LARGE1: variants seen among roughly 807,000 people sequenced by gnomAD.
LARGE1 encodes LARGE xylosyl- and glucuronyltransferase 1.
Under a neutral mutation model 87.6 loss-of-function variants are expected in LARGE1, and 43 were observed. The ratio of observed to expected loss-of-function variants is 0.49; its 90% CI spans 0.38 to 0.63. LARGE1 has a LOEUF of 0.63. Ranked by LOEUF, LARGE1 falls within the 30% of genes least tolerant of loss-of-function variation. The probability of loss-of-function intolerance (pLI) is 0.00; values close to 1 mark genes in which losing one functional copy is unlikely to be tolerated. For synonymous variants in LARGE1, 434 were observed against 394.6 expected, an observed-to-expected ratio of 1.10 and a Z score of -1.18; for missense variants, 802 against 1,000.2, an observed-to-expected ratio of 0.80 and a Z score of 2.67.
At chr22:33,721,410 G>A (rs912394311) in intron 2 of LARGE1, among the ~76,000 whole-genome samples, 1 of 152,150 alleles carries the variant, frequency 6.6e-6, no homozygotes. Context: ...GTTTCTTATG[G>A]GTGCCATGCT....
At chr22:33,869,529 G>T (rs2064212659) in intron 1 of LARGE1, among the ~76,000 whole-genome samples, 1 of 152,292 alleles carries the variant, frequency 6.6e-6, no homozygotes, top group Admixed American at 6.5e-5. Flanking sequence ...GCCTCCTCGG[G>T]TCTGTGCAGT....
chr22:33,801,905 C>T (rs572410451), intron 1 of LARGE1, among the ~76,000 whole-genome samples: 50 of 152,130 alleles, frequency 3.3e-4, no homozygotes, highest in East Asian at 9.7e-4. Flanking sequence ...AAGCTATATA[C>T]GCACTTAAAA....
chr22:33,298,117 A>G (rs2146078188), intron 12 of LARGE1, among the ~76,000 whole-genome samples: 1 of 152,172 alleles, frequency 6.6e-6, no homozygotes, highest in East Asian at 1.9e-4. Context: ...ACGATGTCTC[A>G]CGTCTTCCTC....
In LARGE1 at chr22:33,589,310, G is replaced by C. The variant is rs374755455; in HGVS notation, c.615+15125C>G. Among the ~76,000 whole-genome samples, 9 of 152,266 alleles carry C rather than the reference G, an allele frequency of 5.9e-5. No individual in the cohort carries two copies. In the East Asian group the frequency reaches 1.7e-3, roughly 29 times the overall value. On this transcript the variant is annotated intron_variant, in intron 5 of 14. Transcript: ENST00000397394. ...TCAATGAGATAACACTAAATGTTTA[G>C]TACTATGTCTGATACATGATAAGTG...
the LARGE1 span, among the ~76,000 whole-genome samples, chr22:33,139,401 T>G: frequency 2.0e-5 from 3 of 152,196 alleles, no homozygotes; most frequent in African/African-American, 2.4e-5. Context: ...TTTCCTCTCC[T>G]TCTGTTGCTT....
rs2069256328 is a variant in LARGE1 at position 33,480,183 on chromosome 22, C to A, written c.788-47918G>T. Among the ~76,000 whole-genome samples the A allele has an allele frequency of 5.3e-5, 8 of 152,334 alleles. 1 individual carries two copies. The South Asian group carries it at 1.7e-3, about 32-fold the overall frequency. Reference sequence around the variant, plus strand: ...TGAATGACAACCGAGGCGCAAGGAACAGGCACCCTGGACGGCTTCACGCAG... The same window carrying A: ...TGAATGACAACCGAGGCGCAAGGAAAAGGCACCCTGGACGGCTTCACGCAG... On this transcript the variant is annotated intron_variant, in intron 6 of 14. Transcript: ENST00000397394.
At chr22:33,778,154 A>G (rs2085306457) in intron 1 of LARGE1, among the ~76,000 whole-genome samples, 4 of 152,234 alleles carry the variant, frequency 2.6e-5, no homozygotes. Context: ...GAGTTTCCTC[A>G]GGTCACAGAA....
intron 6 of LARGE1, among the ~76,000 whole-genome samples, chr22:33,500,562 C>G (rs1322425286): frequency 6.6e-6 from 1 of 152,146 alleles, no homozygotes. Context: ...TGGTTTACAA[C>G]GTGGGTAAGG....
intron 1 of LARGE1, among the ~76,000 whole-genome samples, chr22:33,796,706 CAG>C (rs1291071730): frequency 2.0e-5 from 3 of 150,390 alleles, no homozygotes; most frequent in Admixed American, 6.6e-5. Context: ...TGCAAAGAAA[CAG>C]AGCCAGGTGG....
chr22:33,802,889 C>T (rs2086202549), intron 1 of LARGE1, among the ~76,000 whole-genome samples: 1 of 152,204 alleles, frequency 6.6e-6, no homozygotes, highest in Non-Finnish European at 1.5e-5. Flanking sequence ...ACTTCAGTGC[C>T]TTGAACACAG....
At chr22:33,909,688 G>A (rs1370905879) in intron 1 of LARGE1, among the ~76,000 whole-genome samples, 4 of 151,942 alleles carry the variant, frequency 2.6e-5, no homozygotes, top group African/African-American at 4.8e-5. Context: ...ACAGGCGCCC[G>A]CCACCACGCC....
intron 9 of LARGE1, among the ~76,000 whole-genome samples, chr22:33,351,414 T>C (rs1159023075): frequency 6.6e-6 from 1 of 152,250 alleles, no homozygotes; most frequent in East Asian, 1.9e-4. Flanking sequence ...CAACCAACCA[T>C]ACTATTACTT....
At chr22:33,070,896 G>A in the LARGE1 span, among the ~76,000 whole-genome samples, 1 of 152,176 alleles carries the variant, frequency 6.6e-6, no homozygotes, top group Admixed American at 6.5e-5. Context: ...TGCAACAACA[G>A]AACAGGAGTG....
At chr22:33,521,576 C>T (rs1048426176) in intron 6 of LARGE1, among the ~76,000 whole-genome samples, 13 of 152,146 alleles carry the variant, frequency 8.5e-5, no homozygotes, top group Admixed American at 4.6e-4. Flanking sequence ...ACGACAAGAC[C>T]GGCCCAGATT....
Position 33,748,926 on chromosome 22 carries a change from A to C in LARGE1, c.106+12445T>G, listed in dbSNP as rs556926278. 1.1e-4 allele frequency among the ~76,000 whole-genome samples: 17 copies of C among 152,346 alleles called. No individual in the cohort carries two copies. The South Asian group carries it at 3.5e-3, about 32-fold the overall frequency. ...GTTATATCACAGTTCTCTAGGTTTC[A>C]GTTCCTCAGTTGTAAAACAAGGGTC... On this transcript the variant is annotated intron_variant, in intron 2 of 14. Transcript: ENST00000397394.
intron 1 of LARGE1, among the ~76,000 whole-genome samples, chr22:33,885,804 G>A (rs1173534853): frequency 1.3e-5 from 2 of 152,182 alleles, no homozygotes; most frequent in Admixed American, 1.3e-4. Context: ...GCCGAGGCAG[G>A]TGGATCACTT....
At chr22:33,759,075 AG>A (rs2084626332) in intron 2 of LARGE1, among the ~76,000 whole-genome samples, 3 of 152,334 alleles carry the variant, frequency 2.0e-5, no homozygotes, top group Admixed American at 6.5e-5. Flanking sequence ...TCCTCTATGT[AG>A]ATAAAGTCAC....
At chr22:33,184,187 T>C (rs1050250703) in intron 11 of LARGE1, among the ~76,000 whole-genome samples, 4 of 148,500 alleles carry the variant, frequency 2.7e-5, no homozygotes, top group Non-Finnish European at 4.5e-5. Context: ...TGAAACTGTG[T>C]TGAGAGACAC....
At chr22:33,768,282 A>G (rs2084965282) in intron 1 of LARGE1, among the ~76,000 whole-genome samples, 1 of 152,302 alleles carries the variant, frequency 6.6e-6, no homozygotes, top group Non-Finnish European at 1.5e-5. Flanking sequence ...TGGGCGACAG[A>G]GCGAGACTCC....
Sources: allele counts gnomAD v4.1 joint callset (sites outside exome capture counted in the v4.1 genomes callset), GRCh38; gene constraint gnomAD v4.1.1; transcripts MANE v1.5; gene names NCBI Gene and HGNC (gene_info 2026-07-23, HGNC 2026-07-21).